Variants in CXXC4 observed in about 807,000 individuals in gnomAD.
CXXC4 encodes CXXC-type zinc finger protein 4.
Under a neutral mutation model 20.5 loss-of-function variants are expected in CXXC4, and 5 were observed. The observed-to-expected ratio is 0.24, with a 90% CI of 0.13 to 0.51. The LOEUF is 0.51. CXXC4 is among the 20% of genes least tolerant of loss of function. CXXC4 has a pLI of 0.97. For missense variants in CXXC4, 419 were observed against 496.4 expected (o/e 0.84, Z 1.48); for synonymous variants, 250 against 216.4 (o/e 1.16, Z -1.36).
chr4:104,492,465 G>T (rs1262464183), intron 1 of CXXC4, among the ~76,000 whole-genome samples: 3 of 152,058 alleles, frequency 2.0e-5, no homozygotes, highest in Non-Finnish European at 4.4e-5. Flanking sequence ...GTGTGAACAA[G>T]TGCTGCCTGG....
chr4:104,492,337 G>C (rs1358248928), intron 1 of CXXC4, among the ~76,000 whole-genome samples: 1 of 151,168 alleles, frequency 6.6e-6, no homozygotes, highest in African/African-American at 2.4e-5. Flanking sequence ...AGGGAAAGAA[G>C]GAAGACGGGG....
Position 104,491,753 on chromosome 4 carries a change from C to G in CXXC4, c.50G>C (p.Gly17Ala). The part of the protein sequence containing the change: ...VEPGPSPEAP[G>A]LPKESHLPEG... ...GGGCAAGTGGCTTTCCTTGGGCAAG[C>G]CCGGGGCCTCCGGGCTCGGCCCGGG... The change falls in exon 2 of 3, where the codon GGC becomes GCC. Residue 17 changes from glycine to alanine, a missense_variant. By Grantham distance (60) the Gly-to-Ala change is moderately conservative. This residue lies in a region of CXXC4 where 388 missense variants were observed against 416.0 expected (regional missense o/e 0.93). Transcript: ENST00000394767. 6.5e-7 allele frequency: 1 copy of G among 1,535,982 alleles called. No individual in the cohort carries two copies. Among genetic ancestry groups the G allele is most frequent in the Non-Finnish European group, 8.8e-7 (1 of 1,140,248 alleles).
At chr4:104,475,689 T>C (rs1159501779) in intron 2 of CXXC4, among the ~76,000 whole-genome samples, 1 of 152,146 alleles carries the variant, frequency 6.6e-6, no homozygotes, top group African/African-American at 2.4e-5. Context: ...TTAAATACCC[T>C]GACCAGCCAC....
At chr4:104,473,303 A>G (rs943874283) in intron 2 of CXXC4, among the ~76,000 whole-genome samples, 1 of 151,874 alleles carries the variant, frequency 6.6e-6, no homozygotes, top group Non-Finnish European at 1.5e-5. Flanking sequence ...CTAACCAATG[A>G]TATTCAATGA....
intron 2 of CXXC4, 40 bp downstream of exon 2, chr4:104,490,703 GA>G: frequency 6.5e-7 from 1 of 1,528,960 alleles, no homozygotes; most frequent in Non-Finnish European, 8.9e-7. Context: ...AGTGAGGAGG[GA>G]AGGGGGGAGA....
At chr4:104,475,098 T>C (rs149200371) in intron 2 of CXXC4, 2 of 152,274 alleles carry the variant, frequency 1.3e-5, no homozygotes, top group Non-Finnish European at 2.9e-5. Context: ...TTGATATTAC[T>C]GTGCATCGTG....
Position 104,486,465 on chromosome 4 carries a change from A to AT in CXXC4, c.1059+4278_1059+4279insA, listed in dbSNP as rs1163237722. Reference sequence around the variant, plus strand: ...TTATAAAATTGAGGTGTTTTTTCCTACATTATTTATATGTTACATTCTAAT... The same window carrying AT: ...TTATAAAATTGAGGTGTTTTTTCCTATCATTATTTATATGTTACATTCTAAT... On this transcript the variant is annotated intron_variant, in intron 2 of 2. Coordinates refer to ENST00000394767, the MANE Select transcript of CXXC4 (RefSeq NM_025212.4). Among the ~76,000 whole-genome samples the AT allele has an allele frequency of 2.6e-5, 4 of 152,100 alleles. No individual in the cohort carries two copies. The East Asian group carries it at 7.7e-4, about 29-fold the overall frequency.
At chr4:104,489,726 G>C (rs981907104) in intron 2 of CXXC4, among the ~76,000 whole-genome samples, 10 of 151,888 alleles carry the variant, frequency 6.6e-5, no homozygotes, top group African/African-American at 1.7e-4. Flanking sequence ...TTTTTGTTTT[G>C]ATCAGGACAC....
chr4:104,482,357 A>G (rs1477961276), intron 2 of CXXC4, among the ~76,000 whole-genome samples: 2 of 152,204 alleles, frequency 1.3e-5, no homozygotes, highest in Admixed American at 6.5e-5. Flanking sequence ...ATTACAAAGA[A>G]GAGCTAATGT....
chr4:104,472,964 T>C (rs552217187), intron 2 of CXXC4, among the ~76,000 whole-genome samples: 105 of 152,022 alleles, frequency 6.9e-4, no homozygotes, highest in East Asian at 1.5e-3. Context: ...AAAATGACTA[T>C]GATTGAATTA....
chr4:104,486,941 C>A (rs1248939891), intron 2 of CXXC4, among the ~76,000 whole-genome samples: 1 of 152,064 alleles, frequency 6.6e-6, no homozygotes. Flanking sequence ...ACAGCGTAAA[C>A]AATATGTCCC....
chr4:104,480,541 T>C (rs1394128989), intron 2 of CXXC4, among the ~76,000 whole-genome samples: 1 of 152,120 alleles, frequency 6.6e-6, no homozygotes, highest in Non-Finnish European at 1.5e-5. Context: ...GACTTAAGAA[T>C]TACTTTTAAA....
At chr4:104,476,698 C>A (rs1009623206) in intron 2 of CXXC4, among the ~76,000 whole-genome samples, 1 of 152,062 alleles carries the variant, frequency 6.6e-6, no homozygotes, top group African/African-American at 2.4e-5. Context: ...CATATACTTT[C>A]GAATCTAAAA....
chr4:104,475,141 A>G (rs556977667), intron 2 of CXXC4: 4 of 152,158 alleles, frequency 2.6e-5, no homozygotes, highest in Non-Finnish European at 4.4e-5. Flanking sequence ...ACCAGTATGC[A>G]TCCCCAGATG....
intron 2 of CXXC4, among the ~76,000 whole-genome samples, chr4:104,487,097 A>G (rs1736719422): frequency 6.6e-6 from 1 of 152,182 alleles, no homozygotes; most frequent in South Asian, 2.1e-4. Flanking sequence ...TTTTTAAGAG[A>G]TAAAAGAAAG....
intron 1 of CXXC4, among the ~76,000 whole-genome samples, chr4:104,493,044 TA>T (rs1307105959): frequency 1.6e-5 from 2 of 125,286 alleles, no homozygotes; most frequent in East Asian, 5.4e-4. Context: ...TTACATTGAG[TA>T]AAAGGGGGGG....
At chr4:104,481,424 T>C (rs929436977) in intron 2 of CXXC4, among the ~76,000 whole-genome samples, 1 of 151,810 alleles carries the variant, frequency 6.6e-6, no homozygotes, top group Non-Finnish European at 1.5e-5. Flanking sequence ...TTGCAGCTGC[T>C]TGGGAGGCTG....
chr4:104,470,968 A>T lies in CXXC4; in HGVS notation c.*1354T>A, dbSNP rs1022720254. ...TCCTTTGTGTGTAGGTTGTGGGGGG[A>T]GGGGTATGTCATGCATTTATGAAAT... On this transcript the variant is annotated 3_prime_UTR_variant, in exon 3 of 3. Coordinates refer to ENST00000394767, the MANE Select transcript of CXXC4 (RefSeq NM_025212.4). The T allele has an allele frequency of 2.0e-5, 3 of 151,562 alleles. No homozygotes were observed. Among genetic ancestry groups the T allele is most frequent in the Non-Finnish European group, 4.4e-5 (3 of 67,852 alleles). 9.4% of individuals were successfully genotyped at this position (151,562 alleles called of 1,614,324 possible).
chr4:104,473,345 C>T (rs777970773), intron 2 of CXXC4, among the ~76,000 whole-genome samples: 9 of 151,682 alleles, frequency 5.9e-5, no homozygotes, highest in African/African-American at 7.2e-5. Context: ...TGTAAACATA[C>T]TATAAATGGT....
Sources: gnomAD v4.1 joint callset for allele counts (sites outside exome capture counted in the v4.1 genomes callset) on GRCh38, gnomAD v4.1.1 for gene constraint, gnomAD v4.1.1 regional missense constraint, MANE v1.5 for transcripts, NCBI Gene and HGNC (gene_info 2026-07-23, HGNC 2026-07-21) for gene names.